Variants in CADM1 observed in about 807,000 individuals in gnomAD.
CADM1 encodes the protein TSLC-1.
Under a neutral mutation model 53.1 loss-of-function variants are expected in CADM1, and 15 were observed. The ratio of observed to expected loss-of-function variants is 0.28; its 90% confidence interval spans 0.19 to 0.44. The LOEUF (loss-of-function observed/expected upper bound fraction) is 0.44, where lower values mean the gene tolerates loss of function less well. Ranked by LOEUF, CADM1 falls within the 20% of genes least tolerant of loss-of-function variation. CADM1 has a pLI of 1.00. For synonymous variants in CADM1, 281 were observed against 243.0 expected (o/e 1.16, Z -1.45); for missense variants, 434 against 611.3 (o/e 0.71, Z 3.06).
chr11:115,194,808 G>C (rs1026681777), intron 9 of CADM1, among the ~76,000 whole-genome samples: 1 of 152,126 alleles, frequency 6.6e-6, no homozygotes, highest in Non-Finnish European at 1.5e-5. Flanking sequence ...TGGGGAGGAG[G>C]GTGGGGAAGG....
At position 115,173,575 on chromosome 11, in the gene CADM1, C is replaced by T. The variant is rs1343826545; in HGVS notation, c.*2899G>A. The T allele has an allele frequency of 5.2e-6, 1 of 191,798 alleles. No individual in the cohort carries two copies. 11.9% of individuals were successfully genotyped at this position (191,798 alleles called of 1,614,324 possible). A position where few individuals can be genotyped will look rare whatever the true frequency, so the allele number is the denominator to read the frequency against. ...GGAAGCTGGGACCAGAGGCCCATCT[C>T]TTCTCTCACTCGGAGGCGTCCATAA... On this transcript the variant is annotated 3_prime_UTR_variant, in exon 12 of 12. Transcript: ENST00000331581.
intron 1 of CADM1, among the ~76,000 whole-genome samples, chr11:115,320,678 G>A (rs186944218): frequency 9.0e-4 from 137 of 151,642 alleles, no homozygotes; most frequent in African/African-American, 2.9e-3. Context: ...TGAAGTTGGT[G>A]GGAATCCAGA....
chr11:115,483,898 C>T (rs1591293365), intron 1 of CADM1, among the ~76,000 whole-genome samples: 1 of 152,130 alleles, frequency 6.6e-6, no homozygotes, highest in Admixed American at 6.5e-5. Context: ...TGGACTATTT[C>T]CATCATCACA....
chr11:115,290,786 A>G (rs1243812325), intron 1 of CADM1, among the ~76,000 whole-genome samples: 1 of 152,144 alleles, frequency 6.6e-6, no homozygotes, highest in Non-Finnish European at 1.5e-5. Flanking sequence ...TGGCTATGGA[A>G]AGTAAGCTAT....
intron 7 of CADM1, among the ~76,000 whole-genome samples, chr11:115,210,411 C>A (rs1940904867): frequency 6.6e-6 from 1 of 152,140 alleles, no homozygotes; most frequent in South Asian, 2.1e-4. Context: ...GAGACTCGAC[C>A]TTCAAAGCCA....
chr11:115,363,826 T>C (rs1323201921), intron 1 of CADM1: 3 of 152,222 alleles, frequency 2.0e-5, no homozygotes, highest in African/African-American at 4.8e-5. Context: ...GTACAGCTTA[T>C]ACAACAGTGA....
intron 10 of CADM1, among the ~76,000 whole-genome samples, chr11:115,187,811 G>A (rs1411510929): frequency 6.6e-6 from 1 of 152,172 alleles, no homozygotes; most frequent in Non-Finnish European, 1.5e-5. Flanking sequence ...GGTTCACCTA[G>A]ATTCTTCCTA....
Position 115,350,925 on chromosome 11 carries a change from T to TAA in CADM1, c.125-110507_125-110506dup, listed in dbSNP as rs11378288. Reference sequence around the variant, plus strand: ...CTTGCCGCATTCTTTTACGAGAAGTTAAAAAAAAAAAAAAAAAGTCAAGCT... The same window carrying TAA: ...CTTGCCGCATTCTTTTACGAGAAGTTAAAAAAAAAAAAAAAAAAAGTCAAGCT... On this transcript the variant is annotated intron_variant, in intron 1 of 11. Coordinates refer to ENST00000331581, the MANE Select transcript of CADM1 (RefSeq NM_001301043.2). 6.1e-3 allele frequency among the ~76,000 whole-genome samples: 834 copies of TAA among 135,830 alleles called. 7 individuals are homozygous for TAA. Among genetic ancestry groups the TAA allele is most frequent in the East Asian group, 0.025 (115 of 4,622 alleles). 89.1% of individuals were successfully genotyped at this position (135,830 alleles called of 152,430 possible).
chr11:115,430,464 T>C, intron 1 of CADM1, among the ~76,000 whole-genome samples: 1 of 152,238 alleles, frequency 6.6e-6, no homozygotes, highest in East Asian at 1.9e-4. Flanking sequence ...CTTGGAGAAT[T>C]AGCCTTAAGC....
intron 1 of CADM1, among the ~76,000 whole-genome samples, chr11:115,428,137 A>T (rs11215549): frequency 0.022 from 3,423 of 152,206 alleles, 131 homozygotes; most frequent in African/African-American, 0.077. Context: ...TCCAAAAGAG[A>T]TAATTTTGAA....
At chr11:115,234,893 C>CAAAAAAAAAAA (rs57197514) in intron 3 of CADM1, among the ~76,000 whole-genome samples, 1 of 75,388 alleles carries the variant, frequency 1.3e-5, no homozygotes, top group South Asian at 6.6e-4. Flanking sequence ...ACTCCGTCTC[C>CAAAAAAAAAAA]AAAAAAAAAA....
chr11:115,363,402 TAAAGAA>T (rs1298972735), intron 1 of CADM1, among the ~76,000 whole-genome samples: 1 of 152,160 alleles, frequency 6.6e-6, no homozygotes, highest in Non-Finnish European at 1.5e-5. Context: ...TTTTCAATAT[TAAAGAA>T]AATAGTTCCC....
intron 1 of CADM1, among the ~76,000 whole-genome samples, chr11:115,376,074 C>G (rs886670468): frequency 1.3e-5 from 2 of 151,960 alleles, no homozygotes; most frequent in Admixed American, 6.6e-5. Context: ...AAGTGAGAAG[C>G]CATGTTGCTT....
At chr11:115,336,384 T>G (rs1325048612) in intron 1 of CADM1, among the ~76,000 whole-genome samples, 1 of 152,172 alleles carries the variant, frequency 6.6e-6, no homozygotes, top group East Asian at 1.9e-4. Flanking sequence ...ATCCATGGAC[T>G]GCACTTTGCG....
At chr11:115,192,704 G>C (rs955906767) in intron 9 of CADM1, among the ~76,000 whole-genome samples, 1 of 152,150 alleles carries the variant, frequency 6.6e-6, no homozygotes, top group African/African-American at 2.4e-5. Context: ...TAGCTTTACT[G>C]CTGAAGGCTT....
chr11:115,263,876 T>C lies in CADM1; in HGVS notation c.125-23456A>G, dbSNP rs146196879. 2.7e-3 allele frequency among the ~76,000 whole-genome samples: 417 copies of C among 152,318 alleles called. 3 individuals carry two copies. Among genetic ancestry groups the C allele is most frequent in the Non-Finnish European group, 4.9e-3 (335 of 68,028 alleles). ...AAAAGATAGAGGAATAGTAGTACGT[T>C]GTTTCAAAATAAGAACAACGATAGC... On this transcript the variant is annotated intron_variant, in intron 1 of 11. Coordinates refer to ENST00000331581, the MANE Select transcript of CADM1 (RefSeq NM_001301043.2).
At chr11:115,261,528 ATGT>A (rs1942973765) in intron 1 of CADM1, among the ~76,000 whole-genome samples, 2 of 152,184 alleles carry the variant, frequency 1.3e-5, no homozygotes, top group Admixed American at 1.3e-4. Context: ...TCATTTTCAT[ATGT>A]TGAAGGGGTG....
chr11:115,343,255 G>C (rs1945494663), intron 1 of CADM1, among the ~76,000 whole-genome samples: 1 of 152,056 alleles, frequency 6.6e-6, no homozygotes, highest in Non-Finnish European at 1.5e-5. Context: ...GAATCCAAAA[G>C]GTCAACTCTC....
chr11:115,473,352 G>A (rs370594930), intron 1 of CADM1, among the ~76,000 whole-genome samples: 16 of 152,174 alleles, frequency 1.1e-4, no homozygotes, highest in African/African-American at 3.6e-4. Flanking sequence ...CCAGCTACTC[G>A]GGAGGCAAAG....
Sources: allele counts gnomAD v4.1 joint callset (sites outside exome capture counted in the v4.1 genomes callset), GRCh38; gene constraint gnomAD v4.1.1; transcripts MANE v1.5; gene names NCBI Gene and HGNC (gene_info 2026-07-23, HGNC 2026-07-21).